Variants in TECPR2 observed in about 807,000 individuals in gnomAD.
TECPR2 encodes the protein tectonin beta-propeller repeat containing 2, also known as tectonin beta-propeller repeat-containing protein 2.
Under a neutral mutation model 138.1 loss-of-function variants are expected in TECPR2, and 65 were observed. The observed-to-expected ratio is 0.47, with a 90% confidence interval of 0.39 to 0.58. The LOEUF (loss-of-function observed/expected upper bound fraction) is 0.58, where lower values mean the gene tolerates loss of function less well. Ranked by LOEUF, TECPR2 falls within the 20% of genes least tolerant of loss-of-function variation. The probability of loss-of-function intolerance (pLI) is 0.00; values close to 1 mark genes in which losing one functional copy is unlikely to be tolerated. For missense variants in TECPR2, 1,553 were observed against 1,824.5 expected (o/e 0.85, Z 2.71); for synonymous variants, 746 against 749.8 (o/e 0.99, Z 0.08).
chr14:102,488,051 T>C (rs1302692831), intron 17 of TECPR2, among the ~76,000 whole-genome samples: 3 of 149,304 alleles, frequency 2.0e-5, no homozygotes, highest in Non-Finnish European at 3.0e-5. Context: ...TCCATATTGG[T>C]CAGGCTTGTC....
At chr14:102,385,890 C>T (rs948711737) in intron 2 of TECPR2, among the ~76,000 whole-genome samples, 8 of 150,704 alleles carry the variant, frequency 5.3e-5, no homozygotes, top group Non-Finnish European at 1.2e-4. Context: ...GAGCCGAGAT[C>T]GAGCCACTGC....
chr14:102,417,737 C>T (rs1339565331), intron 5 of TECPR2, among the ~76,000 whole-genome samples: 1 of 148,088 alleles, frequency 6.8e-6, no homozygotes, highest in Admixed American at 6.6e-5. Flanking sequence ...ACACGGGAGT[C>T]CAGGGGAGCC....
Position 102,367,501 on chromosome 14 carries a change from T to A in TECPR2, c.-73+4385T>A, listed in dbSNP as rs1887375918. On this transcript the variant is annotated intron_variant, in intron 1 of 19. Coordinates refer to ENST00000359520, the MANE Select transcript of TECPR2 (RefSeq NM_014844.5). ...GACATTTTGTATACATGGAATCATA[T>A]AATATATGGTGTTTTGTGCCTGGTT... 2.0e-5 allele frequency among the ~76,000 whole-genome samples: 3 copies of A among 152,174 alleles called. No individual in the cohort carries two copies. The South Asian group carries it at 6.2e-4, about 31-fold the overall frequency.
At chr14:102,383,010 G>A (rs1393855635) in intron 2 of TECPR2, among the ~76,000 whole-genome samples, 3 of 152,074 alleles carry the variant, frequency 2.0e-5, no homozygotes, top group African/African-American at 2.4e-5. Context: ...CATCCACCTC[G>A]GCCTCCCAAA....
chr14:102,387,044 G>C (rs1328854804), intron 2 of TECPR2, among the ~76,000 whole-genome samples: 1 of 152,166 alleles, frequency 6.6e-6, no homozygotes, highest in Non-Finnish European at 1.5e-5. Flanking sequence ...TGTCCAAGTC[G>C]AAAGTTAAAG....
intron 1 of TECPR2, 60 bp downstream of exon 1, chr14:102,363,176 C>G (rs1887228741): frequency 3.1e-6 from 1 of 318,516 alleles, no homozygotes; most frequent in Non-Finnish European, 5.7e-6. Flanking sequence ...CGCCTGGCCC[C>G]GAGCCCCTCC....
At chr14:102,393,758 C>T (rs1454328429) in intron 2 of TECPR2, among the ~76,000 whole-genome samples, 1 of 152,128 alleles carries the variant, frequency 6.6e-6, no homozygotes, top group Admixed American at 6.6e-5. Flanking sequence ...TGGGGTTTCT[C>T]CATGTGGGCC....
intron 1 of TECPR2, among the ~76,000 whole-genome samples, chr14:102,371,001 T>C (rs1347331238): frequency 6.6e-6 from 1 of 152,240 alleles, no homozygotes; most frequent in Non-Finnish European, 1.5e-5. Context: ...TCTGTGTTTA[T>C]AGCTAGGATG....
intron 17 of TECPR2, among the ~76,000 whole-genome samples, chr14:102,495,989 G>C (rs1891270296): frequency 6.6e-6 from 1 of 152,260 alleles, no homozygotes; most frequent in Non-Finnish European, 1.5e-5. Context: ...CAGGAGCACT[G>C]TGCGGCCAGA....
intron 2 of TECPR2, among the ~76,000 whole-genome samples, 176 bp downstream of exon 2, chr14:102,377,116 T>C (rs1324477656): frequency 6.6e-6 from 1 of 152,160 alleles, no homozygotes; most frequent in South Asian, 2.1e-4. Context: ...CTAAAAACAT[T>C]GGTGTTTTTA....
rs373012620 is a variant in TECPR2, at chr14:102,407,472, T to A, written c.348+6T>A. The A allele has an allele frequency of 9.9e-6, 16 of 1,608,082 alleles. No individual in the cohort carries two copies. Among genetic ancestry groups the A allele is most frequent in the Admixed American group, 1.7e-5 (1 of 58,544 alleles). On this transcript the variant is annotated splice_donor_region_variant and intron_variant, in intron 3 of 19. Transcript: ENST00000359520. ...TGCCAGGGAGAAATAAACAGGTGAGTACTCATGATCTTAACACGTGTTAAC... is the reference window on the plus strand; with the variant it reads ...TGCCAGGGAGAAATAAACAGGTGAGAACTCATGATCTTAACACGTGTTAAC...
At chr14:102,446,644 G>A (rs898985992) in intron 13 of TECPR2, among the ~76,000 whole-genome samples, 3 of 151,926 alleles carry the variant, frequency 2.0e-5, no homozygotes, top group South Asian at 4.2e-4. Context: ...CACCCTCTCC[G>A]CCTCCCAAAG....
chr14:102,494,425 C>G (rs911781284), intron 17 of TECPR2, among the ~76,000 whole-genome samples: 1 of 151,902 alleles, frequency 6.6e-6, no homozygotes, highest in Admixed American at 6.6e-5. Context: ...CACCCATAAT[C>G]CCAGCTACTT....
chr14:102,366,373 A>C (rs1346896436), intron 1 of TECPR2, among the ~76,000 whole-genome samples: 1 of 152,004 alleles, frequency 6.6e-6, no homozygotes, highest in African/African-American at 2.4e-5. Context: ...TTGAGATGAA[A>C]TATCACTCTG....
chr14:102,435,727 C>G (rs920109712), intron 9 of TECPR2, among the ~76,000 whole-genome samples: 15 of 152,226 alleles, frequency 9.9e-5, no homozygotes, highest in African/African-American at 3.4e-4. Context: ...CCAAGGCTCC[C>G]CTGCGAGCTG....
rs746551498 is a variant in TECPR2, at chr14:102,450,565, T to A, written c.3322T>A (p.Tyr1108Asn). Residue 1108 changes from tyrosine to asparagine, a missense_variant, in exon 15 of 20, where the codon TAC becomes AAC. By Grantham distance (143) the Tyr-to-Asn change is moderately radical. Coordinates refer to ENST00000359520, the MANE Select transcript of TECPR2 (RefSeq NM_014844.5). ...TTCCTATTTACTCTTTCCAGGCACC[T>A]ACTGGAATCATGTGGTTCCCCGTGG... Reference protein sequence around the residue: ...HVAKGSLIGTYWNHVVPRGTA... With the variant: ...HVAKGSLIGTNWNHVVPRGTA... 6.2e-7 allele frequency: 1 copy of A among 1,614,092 alleles called. No individual in the cohort carries two copies. Among genetic ancestry groups the A allele is most frequent in the Admixed American group, 1.7e-5 (1 of 60,016 alleles).
At chr14:102,400,002 G>A (rs1291899100) in intron 2 of TECPR2, among the ~76,000 whole-genome samples, 1 of 150,566 alleles carries the variant, frequency 6.6e-6, no homozygotes, top group Admixed American at 6.6e-5. Flanking sequence ...CTAAAAGCTA[G>A]TAGTATTGTA....
intron 2 of TECPR2, among the ~76,000 whole-genome samples, chr14:102,402,629 G>A (rs1287073687): frequency 1.3e-5 from 2 of 152,110 alleles, no homozygotes; most frequent in Non-Finnish European, 2.9e-5. Flanking sequence ...AAGGTAAACA[G>A]AATTGACAAA....
At chr14:102,436,380 G>A (rs1292111358) in intron 9 of TECPR2, among the ~76,000 whole-genome samples, 1 of 149,582 alleles carries the variant, frequency 6.7e-6, no homozygotes, top group Non-Finnish European at 1.5e-5. Flanking sequence ...GCGCAGTGGC[G>A]CAATCATGGC....
Sources: allele counts gnomAD v4.1 joint callset (sites outside exome capture counted in the v4.1 genomes callset), GRCh38; gene constraint gnomAD v4.1.1; transcripts MANE v1.5; gene names NCBI Gene and HGNC (gene_info 2026-07-23, HGNC 2026-07-21).